Variants in NELL2 observed in about 807,000 individuals in gnomAD.
NELL2 encodes protein kinase C-binding protein NELL2.
Under a neutral mutation model 109.6 loss-of-function variants are expected in NELL2, and 41 were observed. That is an observed-to-expected ratio of 0.37 (90% CI 0.29 to 0.49). The LOEUF is 0.49. Ranked by LOEUF, NELL2 falls within the 20% of genes least tolerant of loss-of-function variation. The probability of loss-of-function intolerance (pLI) is 0.98; values close to 1 mark genes in which losing one functional copy is unlikely to be tolerated. For synonymous variants in NELL2, 355 were observed against 344.7 expected (o/e 1.03, Z -0.33); for missense variants, 900 against 1,008.3 (o/e 0.89, Z 1.45).
At chr12:44,822,913 T>C (rs1943590678) in intron 2 of NELL2, among the ~76,000 whole-genome samples, 1 of 152,090 alleles carries the variant, frequency 6.6e-6, no homozygotes, top group Non-Finnish European at 1.5e-5. Context: ...GTATTCCCTA[T>C]ATACATACAT....
chr12:44,781,350 G>A (rs564430937), intron 3 of NELL2, among the ~76,000 whole-genome samples: 28 of 151,980 alleles, frequency 1.8e-4, no homozygotes, highest in Admixed American at 1.0e-3. Flanking sequence ...GTGACAAATA[G>A]AAGATAGACT....
At chr12:44,792,782 A>T (rs1302767280) in intron 3 of NELL2, among the ~76,000 whole-genome samples, 1 of 152,162 alleles carries the variant, frequency 6.6e-6, no homozygotes, top group Admixed American at 6.5e-5. Context: ...TTGCAGCAAC[A>T]TAAATTGACA....
intron 2 of NELL2, among the ~76,000 whole-genome samples, chr12:44,869,118 T>C (rs1422826207): frequency 6.6e-6 from 1 of 152,130 alleles, no homozygotes; most frequent in Non-Finnish European, 1.5e-5. Flanking sequence ...ATATAATCCA[T>C]TCTGAGGCAC....
chr12:44,718,454 A>AC (rs1938602446), intron 9 of NELL2, among the ~76,000 whole-genome samples: 1 of 152,202 alleles, frequency 6.6e-6, no homozygotes, highest in Non-Finnish European at 1.5e-5. Context: ...AACCATGTTA[A>AC]TTGCATGCAC....
intron 13 of NELL2, among the ~76,000 whole-genome samples, chr12:44,657,044 A>G (rs187759482): frequency 1.7e-4 from 26 of 152,374 alleles, no homozygotes; most frequent in African/African-American, 6.3e-4. Flanking sequence ...AGAAAGGGGC[A>G]TGCATGGGTT....
Position 44,508,631 on chromosome 12 carries a change from A to G in NELL2, c.*303T>C. 1 of 228,616 alleles carries G rather than the reference A, an allele frequency of 4.4e-6. No homozygotes were observed. Among genetic ancestry groups the G allele is most frequent in the Admixed American group, 5.7e-5 (1 of 17,646 alleles). 14.2% of individuals were successfully genotyped at this position (228,616 alleles called of 1,614,324 possible). ...CACCAGTGAAGCTAGAGGCTTTCAC[A>G]GATCCAATGGGCTCAGGCTTTCTAT... On this transcript the variant is annotated 3_prime_UTR_variant, in exon 20 of 20. Transcript: ENST00000429094.
chr12:44,693,278 T>TA (rs1948955274), intron 12 of NELL2, among the ~76,000 whole-genome samples: 1 of 152,192 alleles, frequency 6.6e-6, no homozygotes, highest in African/African-American at 2.4e-5. Flanking sequence ...AAAATATGTT[T>TA]AAATTAAGAT....
chr12:44,574,104 C>A (rs961926287), intron 15 of NELL2, among the ~76,000 whole-genome samples: 2 of 151,150 alleles, frequency 1.3e-5, no homozygotes, highest in Admixed American at 1.3e-4. Flanking sequence ...CGTTCTGTTG[C>A]CCAGGCTGGA....
At chr12:44,836,013 T>G (rs867777065) in intron 2 of NELL2, among the ~76,000 whole-genome samples, 1 of 152,116 alleles carries the variant, frequency 6.6e-6, no homozygotes, top group African/African-American at 2.4e-5. Context: ...GCATAAGGTA[T>G]GTGGGAGAAA....
chr12:44,635,619 C>A (rs970600687), intron 13 of NELL2, among the ~76,000 whole-genome samples: 2 of 152,052 alleles, frequency 1.3e-5, no homozygotes, highest in African/African-American at 2.4e-5. Flanking sequence ...TTTCTGAGGC[C>A]TCTGTTCTGT....
At chr12:44,894,318 T>C (rs1945569112) in intron 1 of NELL2, among the ~76,000 whole-genome samples, 1 of 152,220 alleles carries the variant, frequency 6.6e-6, no homozygotes, top group Admixed American at 6.5e-5. Context: ...CATCTATGTT[T>C]TGTTCTATTA....
intron 1 of NELL2, among the ~76,000 whole-genome samples, chr12:44,906,071 T>G (rs1033089665): frequency 1.3e-5 from 2 of 151,942 alleles, no homozygotes; most frequent in African/African-American, 4.8e-5. Flanking sequence ...AATAGGGTGT[T>G]TAGTAATGGT....
intron 3 of NELL2, among the ~76,000 whole-genome samples, chr12:44,814,137 A>G (rs1457516298): frequency 6.6e-6 from 1 of 152,186 alleles, no homozygotes; most frequent in Admixed American, 6.5e-5. Context: ...GCTGCCTGAC[A>G]AGCCTCAGGA....
chr12:44,572,806 G>A (rs574900426), intron 15 of NELL2, among the ~76,000 whole-genome samples: 1 of 152,200 alleles, frequency 6.6e-6, no homozygotes, highest in Admixed American at 6.5e-5. Context: ...TCAGCAACTT[G>A]CAGATATGTG....
intron 12 of NELL2, among the ~76,000 whole-genome samples, chr12:44,685,554 G>T (rs991331692): frequency 2.0e-5 from 3 of 152,042 alleles, no homozygotes; most frequent in Non-Finnish European, 2.9e-5. Context: ...AGGTGGTACT[G>T]GTTGTTCCTT....
chr12:44,798,414 T>C (rs1942708398), intron 3 of NELL2, among the ~76,000 whole-genome samples: 1 of 151,832 alleles, frequency 6.6e-6, no homozygotes, highest in African/African-American at 2.4e-5. Flanking sequence ...TACTAACAAA[T>C]AGAAAATAAA....
intron 3 of NELL2, among the ~76,000 whole-genome samples, chr12:44,807,026 A>T (rs1363559473): frequency 6.6e-6 from 1 of 151,744 alleles, no homozygotes; most frequent in African/African-American, 2.4e-5. Context: ...ACCATAAAAA[A>T]ATTATATTTT....
At chr12:44,886,877 T>A (rs988600831) in intron 1 of NELL2, among the ~76,000 whole-genome samples, 8 of 152,156 alleles carry the variant, frequency 5.3e-5, no homozygotes, top group South Asian at 2.1e-4. Context: ...GAGATCTATT[T>A]TTTTTTAGCT....
At chr12:44,750,296 G>A (rs1206931521) in intron 9 of NELL2, among the ~76,000 whole-genome samples, 2 of 152,148 alleles carry the variant, frequency 1.3e-5, no homozygotes, top group Non-Finnish European at 2.9e-5. Context: ...TACCTAGCAG[G>A]TAGACAGATA....
Sources: allele counts gnomAD v4.1 joint callset (sites outside exome capture counted in the v4.1 genomes callset), GRCh38; gene constraint gnomAD v4.1.1; transcripts MANE v1.5; gene names NCBI Gene and HGNC (gene_info 2026-07-23, HGNC 2026-07-21).